The following CCDC40 variants were observed in gnomAD, a reference collection of about 807,000 sequenced individuals.
CCDC40 encodes the protein coiled-coil domain-containing protein 40.
In CCDC40, 104 loss-of-function variants were observed where a neutral mutation model predicts 124.5. That is an observed-to-expected ratio of 0.84 (90% confidence interval 0.71 to 0.98). CCDC40 has a LOEUF of 0.98. Among genes scored for constraint, CCDC40 ranks in the 50% least tolerant of loss-of-function variants. The pLI, the probability that CCDC40 is intolerant of heterozygous loss-of-function variation, is 0.00. For missense variants in CCDC40, 1,463 were observed against 1,503.9 expected (o/e 0.97, Z 0.45); for synonymous variants, 580 against 602.9 (o/e 0.96, Z 0.56).
rs1567812500 is a variant in CCDC40 at position 80,089,753 on chromosome 17, T to C, written c.2712-11T>C. On this transcript the variant is annotated splice_polypyrimidine_tract_variant and intron_variant, in intron 16 of 19. Coordinates refer to ENST00000397545, the MANE Select transcript of CCDC40 (RefSeq NM_017950.4). ...TCCTAATTTCTTACACTGCCTCTCC[T>C]ACCTCTAAAGACACCAGATTATGCT... The C allele has an allele frequency of 1.9e-6, 3 of 1,614,056 alleles. No homozygotes were observed. The highest frequency in any genetic ancestry group is 2.7e-5 in the African/African-American group (2 of 74,940).
At chr17:80,081,386 A>AC (rs1568705500) in intron 10 of CCDC40, 160 bp from the exon 11 acceptor site, 6 of 487,826 alleles carry the variant, frequency 1.2e-5, no homozygotes, top group Non-Finnish European at 2.1e-5. Context: ...CTCTGTCTCA[A>AC]AAAATAAATA....
chr17:80,051,791 T>C (rs920938340), intron 7 of CCDC40, among the ~76,000 whole-genome samples: 1 of 152,350 alleles, frequency 6.6e-6, no homozygotes, highest in African/African-American at 2.4e-5. Context: ...GGAGGACGCG[T>C]GCCCCTAACT....
intron 7 of CCDC40, among the ~76,000 whole-genome samples, chr17:80,052,478 A>G (rs186706847): frequency 1.5e-3 from 231 of 152,252 alleles, no homozygotes; most frequent in Non-Finnish European, 2.5e-3. Context: ...CAGGCCACTG[A>G]CTCAAATGTT....
At chr17:80,084,654 C>T in intron 12 of CCDC40, 89 bp from the exon 13 acceptor site, 2 of 1,491,460 alleles carry the variant, frequency 1.3e-6, no homozygotes, top group Non-Finnish European at 9.3e-7. Flanking sequence ...AGAGGAACAT[C>T]CCGACCGTCA....
At chr17:80,041,271 G>T (rs548268964) in intron 3 of CCDC40, among the ~76,000 whole-genome samples, 7 of 152,274 alleles carry the variant, frequency 4.6e-5, no homozygotes, top group Non-Finnish European at 1.0e-4. Flanking sequence ...ACTTCGGGAG[G>T]CCAAGGCGGG....
intron 16 of CCDC40, among the ~76,000 whole-genome samples, chr17:80,089,089 C>G (rs1193573257): frequency 1.3e-5 from 2 of 152,194 alleles, no homozygotes; most frequent in Non-Finnish European, 2.9e-5. Context: ...CCTTCACTTC[C>G]CAGAAAACCA....
chr17:80,085,778 T>A (rs906045167), intron 13 of CCDC40, among the ~76,000 whole-genome samples: 1 of 150,920 alleles, frequency 6.6e-6, no homozygotes. Flanking sequence ...CAAGCGATTC[T>A]CCTGCCTCAG....
chr17:80,097,586 C>T, intron 19 of CCDC40, 183 bp downstream of exon 19: 1 of 628,774 alleles, frequency 1.6e-6, no homozygotes, highest in Non-Finnish European at 2.8e-6. Context: ...ATTTGTTCCA[C>T]TGACAAATGT....
intron 12 of CCDC40, among the ~76,000 whole-genome samples, chr17:80,083,790 C>A (rs558613623): frequency 6.6e-6 from 1 of 152,244 alleles, no homozygotes; most frequent in Non-Finnish European, 1.5e-5. Flanking sequence ...TCAGACCTGC[C>A]GGACAGCAGG....
chr17:80,095,222 C>A (rs1443760541), intron 17 of CCDC40, 41 bp from the exon 18 acceptor site: 4 of 1,597,490 alleles, frequency 2.5e-6, no homozygotes, highest in South Asian at 1.1e-5. Flanking sequence ...AGCTGCAGCT[C>A]AGGCCTGCCC....
At chr17:80,048,832 T>G (rs1198958180) in intron 5 of CCDC40, 71 bp downstream of exon 5, 1 of 1,353,002 alleles carries the variant, frequency 7.4e-7, no homozygotes, top group Non-Finnish European at 1.0e-6. Context: ...TTTCTCTGCC[T>G]GCACTGTCTC....
chr17:80,051,492 A>G (rs921052849), intron 7 of CCDC40, among the ~76,000 whole-genome samples: 9 of 150,514 alleles, frequency 6.0e-5, no homozygotes, highest in Non-Finnish European at 1.2e-4. Context: ...AGCCGGGCGT[A>G]GTGGCGGGCG....
In CCDC40 at chr17:80,066,863, C is replaced by T. The variant is rs1291150275; in HGVS notation, c.1562+1257C>T. The T allele has an allele frequency of 6.6e-6, 1 of 152,546 alleles. No individual in the cohort carries two copies. Among genetic ancestry groups the T allele is most frequent in the Non-Finnish European group, 1.5e-5 (1 of 68,338 alleles). The allele number at this position is 152,546 out of a possible 1,614,324, so 9.4% of individuals were successfully genotyped here. ...GCGATGTTTGGCTGAAGCTTCGTTT[C>T]CCCTGTAAAGATGCAGGTCGAGGAA... On this transcript the variant is annotated intron_variant, in intron 10 of 19. Coordinates refer to ENST00000397545, the MANE Select transcript of CCDC40 (RefSeq NM_017950.4). This position sits in a 1 kb window ranked among gnomAD's most constrained non-coding sequence, Gnocchi z 4.4.
Position 80,058,112 on chromosome 17 carries a change from T to A in CCDC40, c.1160-382T>A, listed in dbSNP as rs181318672. 1.6e-4 allele frequency among the ~76,000 whole-genome samples: 24 copies of A among 152,270 alleles called. No individual in the cohort carries two copies. The highest frequency in any genetic ancestry group is 1.5e-3 in the Admixed American group (23 of 15,288). ...ATGTTCTCGTCTCCTCCCAGGGGACTTAAGACTCCACCTAAGGTTGCCAGC... is the reference window on the plus strand; with the variant it reads ...ATGTTCTCGTCTCCTCCCAGGGGACATAAGACTCCACCTAAGGTTGCCAGC... On this transcript the variant is annotated intron_variant, in intron 7 of 19. Transcript: ENST00000397545. This position sits in a 1 kb window ranked among gnomAD's most constrained non-coding sequence, Gnocchi z 4.2.
In CCDC40 at chr17:80,040,373, T is replaced by C; in HGVS notation, c.552+103T>C. 2.8e-6 allele frequency: 3 copies of C among 1,062,462 alleles called. No individual in the cohort carries two copies. The South Asian group carries it at 4.2e-5, about 15-fold the overall frequency. The allele number at this position is 1,062,462 out of a possible 1,614,324, so 65.8% of individuals were successfully genotyped here. A position where few individuals can be genotyped will look rare whatever the true frequency, so the allele number is the denominator to read the frequency against. ...AATACATTATAAATACAAATTGCAA[T>C]CCCTGTTAGAAATGTCTTAGCAAGG... On this transcript the variant is annotated intron_variant, in intron 3 of 19. Transcript: ENST00000397545.
At chr17:80,080,690 A>C (rs1010194154) in intron 10 of CCDC40, among the ~76,000 whole-genome samples, 3 of 152,318 alleles carry the variant, frequency 2.0e-5, no homozygotes, top group Admixed American at 2.0e-4. Flanking sequence ...CGTCTGACCC[A>C]TGCGTCACTT....
intron 10 of CCDC40, among the ~76,000 whole-genome samples, chr17:80,068,858 C>G (rs1568694753): frequency 6.6e-6 from 1 of 152,242 alleles, no homozygotes; most frequent in African/African-American, 2.4e-5. Context: ...CACGCTCGGA[C>G]TAGCAGATTC....
intron 10 of CCDC40, among the ~76,000 whole-genome samples, chr17:80,077,412 A>G (rs1371908705): frequency 6.6e-6 from 1 of 152,258 alleles, no homozygotes; most frequent in African/African-American, 2.4e-5. Context: ...AATCCCAGCT[A>G]CTTGGGTGGC....
At chr17:80,042,143 T>TA (rs2037298564) in intron 3 of CCDC40, among the ~76,000 whole-genome samples, 1 of 152,054 alleles carries the variant, frequency 6.6e-6, no homozygotes, top group Non-Finnish European at 1.5e-5. Flanking sequence ...TTTTGAGATG[T>TA]AGTCTCGCTC....
Sources: allele counts gnomAD v4.1 joint callset (sites outside exome capture counted in the v4.1 genomes callset), GRCh38; gene constraint gnomAD v4.1.1; non-coding constraint Gnocchi (gnomAD v3.1); transcripts MANE v1.5; gene names NCBI Gene and HGNC (gene_info 2026-07-23, HGNC 2026-07-21).